Variants in CCDC33 observed in about 807,000 individuals in gnomAD.
CCDC33 encodes coiled-coil domain containing 33.
CCDC33 carries 94 observed loss-of-function variants against 91.9 expected under a neutral mutation model. The ratio of observed to expected loss-of-function variants is 1.02; its 90% CI spans 0.87 to 1.21. CCDC33 has a LOEUF of 1.21. Ranked by LOEUF, CCDC33 falls within the 50% of genes most tolerant of loss-of-function variation. The probability of loss-of-function intolerance (pLI) is 0.00; values close to 1 mark genes in which losing one functional copy is unlikely to be tolerated. For synonymous variants in CCDC33, 396 were observed against 374.5 expected, an observed-to-expected ratio of 1.06 and a Z score of -0.66; for missense variants, 940 against 935.5, an observed-to-expected ratio of 1.00 and a Z score of -0.06.
At chr15:74,319,357 C>A (rs1416103058) in intron 11 of CCDC33, among the ~76,000 whole-genome samples, 2 of 152,184 alleles carry the variant, frequency 1.3e-5, no homozygotes, top group African/African-American at 4.8e-5. Flanking sequence ...CTTCCCCCAC[C>A]CAATGTGGGG....
chr15:74,214,543 G>A (rs1011488985), upstream of CCDC33, among the ~76,000 whole-genome samples: 9 of 152,312 alleles, frequency 5.9e-5, no homozygotes, highest in East Asian at 1.9e-4. Flanking sequence ...GCTGCCCTGC[G>A]GCCCTGGGCT....
intron 1 of CCDC33, among the ~76,000 whole-genome samples, chr15:74,237,139 C>T (rs968346124): frequency 1.3e-5 from 2 of 152,242 alleles, no homozygotes; most frequent in Non-Finnish European, 1.5e-5. Flanking sequence ...GCTCTCCAAT[C>T]CCTGGCCCTG....
rs761152915 is a variant in CCDC33, at chr15:74,331,073, G to A, written c.1638G>A (p.Lys546=). The change falls in exon 14 of 19, where the codon AAG becomes AAA. Residue 546 remains lysine (K), a synonymous_variant. Coordinates refer to ENST00000398814, the MANE Select transcript of CCDC33 (RefSeq NM_025055.5). The part of the protein sequence containing the change: ...LLKQYQGKLQ[K]MKALEETVRH... ...AGCAGTACCAGGGCAAGCTGCAGAA[G>A]ATGAAGGCGCTGGAGGAGACTGTGC... 1.2e-6 allele frequency: 2 copies of A among 1,613,726 alleles called. No homozygotes were observed. The highest frequency in any genetic ancestry group is 3.3e-5 in the Admixed American group (2 of 59,980).
At chr15:74,208,034 C>T in intron 1 of CCDC33, 1 of 1,357,076 alleles carries the variant, frequency 7.4e-7, no homozygotes, top group Non-Finnish European at 9.5e-7. Flanking sequence ...GCCCCCCTCA[C>T]CAACAGCATC....
At chr15:74,269,559 C>T (rs1220032952) in intron 5 of CCDC33, among the ~76,000 whole-genome samples, 2 of 152,190 alleles carry the variant, frequency 1.3e-5, no homozygotes, top group Admixed American at 6.5e-5. Flanking sequence ...ACACACAGAA[C>T]AAGGAAGAGG....
chr15:74,280,386 C>T (rs2059336364), intron 8 of CCDC33, among the ~76,000 whole-genome samples: 1 of 152,176 alleles, frequency 6.6e-6, no homozygotes, highest in African/African-American at 2.4e-5. Context: ...GGGAGATGGG[C>T]TTCAGAGACC....
At chr15:74,237,868 C>T (rs1040115755) in intron 1 of CCDC33, among the ~76,000 whole-genome samples, 8 of 152,122 alleles carry the variant, frequency 5.3e-5, no homozygotes, top group Admixed American at 1.3e-4. Context: ...TCATCATGGC[C>T]GGGGGTGGTG....
intron 2 of CCDC33, among the ~76,000 whole-genome samples, chr15:74,228,633 T>C (rs935694292): frequency 1.3e-5 from 2 of 152,154 alleles, no homozygotes; most frequent in Non-Finnish European, 2.9e-5. Context: ...TGGTCTTGAG[T>C]CACTATTGGG....
exon 2 of CCDC33, chr15:74,209,410 C>A: frequency 6.5e-7 from 1 of 1,535,604 alleles, no homozygotes; most frequent in Non-Finnish European, 8.7e-7. Flanking sequence ...TGATGAATTG[C>A]CAGAGGGGAA....
intron 2 of CCDC33, among the ~76,000 whole-genome samples, chr15:74,255,743 G>A (rs962660242): frequency 2.0e-5 from 3 of 152,234 alleles, no homozygotes; most frequent in Admixed American, 2.0e-4. Flanking sequence ...GTGCCCCCTG[G>A]GCCTGGAGGG....
chr15:74,217,707 C>A, intron 1 of CCDC33: 3 of 738,244 alleles, frequency 4.1e-6, no homozygotes, highest in Non-Finnish European at 5.5e-6. Flanking sequence ...GACTGCATCC[C>A]AAAGCTCTGC....
At chr15:74,257,235 C>T (rs959922394) in intron 2 of CCDC33, among the ~76,000 whole-genome samples, 4 of 152,258 alleles carry the variant, frequency 2.6e-5, no homozygotes, top group South Asian at 4.1e-4. Context: ...CTGAGAATAA[C>T]AGCCCTGCTC....
chr15:74,221,454 C>T, intron 2 of CCDC33: 2 of 315,440 alleles, frequency 6.3e-6, no homozygotes, highest in South Asian at 1.2e-4. Flanking sequence ...GTTACACAGC[C>T]TTAAATGGCC....
At chr15:74,294,490 G>A (rs1158241403) in intron 10 of CCDC33, among the ~76,000 whole-genome samples, 1 of 152,002 alleles carries the variant, frequency 6.6e-6, no homozygotes, top group Non-Finnish European at 1.5e-5. Context: ...GCTCACGCCT[G>A]TAATCCCAGC....
intron 7 of CCDC33, among the ~76,000 whole-genome samples, chr15:74,279,545 A>T (rs904274566): frequency 2.6e-5 from 4 of 151,286 alleles, no homozygotes; most frequent in African/African-American, 4.9e-5. Context: ...TATTTATTTT[A>T]TTTATTTAGA....
In CCDC33 at chr15:74,275,011, C is replaced by T. The variant is rs115069871; in HGVS notation, c.759+2120C>T. Among the ~76,000 whole-genome samples, 1,224 of 152,364 alleles carry T rather than the reference C, an allele frequency of 8.0e-3. 7 individuals carry two copies. The highest frequency in any genetic ancestry group is 0.012 in the Non-Finnish European group (819 of 68,024). The stretch of plus-strand genomic sequence containing the variant: ...GGGGATTGCCCGGGCAGAGCCATAC[C>T]TGGAGGGGCACCAGTCAGCAGCGTG... On this transcript the variant is annotated intron_variant, in intron 7 of 18. Transcript: ENST00000398814.
chr15:74,225,461 A>G (rs2074764378), intron 2 of CCDC33, among the ~76,000 whole-genome samples: 1 of 148,884 alleles, frequency 6.7e-6, no homozygotes, highest in South Asian at 2.1e-4. Flanking sequence ...ACACACAAGG[A>G]CACATACACA....
intron 11 of CCDC33, among the ~76,000 whole-genome samples, chr15:74,322,461 C>T (rs1465723235): frequency 6.6e-6 from 1 of 152,236 alleles, no homozygotes; most frequent in Non-Finnish European, 1.5e-5. Flanking sequence ...CCTCACCACT[C>T]AGCCCCAACA....
chr15:74,207,880 C>A, intron 1 of CCDC33: 1 of 1,508,268 alleles, frequency 6.6e-7, no homozygotes, highest in Admixed American at 2.0e-5. Context: ...ACACAGTGGG[C>A]TGGAAGGCAG....
Sources: allele counts gnomAD v4.1 joint callset (sites outside exome capture counted in the v4.1 genomes callset), GRCh38; gene constraint gnomAD v4.1.1; transcripts MANE v1.5; gene names NCBI Gene and HGNC (gene_info 2026-07-23, HGNC 2026-07-21).